FBXO42: variants seen among roughly 807,000 people sequenced by gnomAD.
FBXO42 encodes the protein F-box only protein 42.
A neutral mutation model predicts 71.7 loss-of-function variants in FBXO42; 12 were observed. That is an observed-to-expected ratio of 0.17 (90% CI 0.11 to 0.27). The LOEUF is 0.27. Ranked by LOEUF, FBXO42 falls within the 10% of genes least tolerant of loss-of-function variation. The probability of loss-of-function intolerance (pLI) is 1.00; values close to 1 mark genes in which losing one functional copy is unlikely to be tolerated. For missense variants in FBXO42, 707 were observed against 911.9 expected, an observed-to-expected ratio of 0.78 and a Z score of 2.89; for synonymous variants, 325 against 327.5, an observed-to-expected ratio of 0.99 and a Z score of 0.08.
intron 4 of FBXO42, among the ~76,000 whole-genome samples, chr1:16,280,351 C>T (rs1217133108): frequency 6.6e-6 from 1 of 151,902 alleles, no homozygotes; most frequent in Non-Finnish European, 1.5e-5. Context: ...CCAAAAGGAG[C>T]CTAAGGAGAC....
intron 3 of FBXO42, 95 bp from the exon 4 acceptor site, chr1:16,295,012 A>G (rs1019206013): frequency 1.4e-6 from 2 of 1,396,160 alleles, no homozygotes; most frequent in African/African-American, 2.9e-5. Flanking sequence ...TATTTCACAC[A>G]TTCAGCAATT....
In FBXO42 at chr1:16,252,469, G is replaced by C. The variant is rs1179003706; in HGVS notation, c.922-65C>G. On this transcript the variant is annotated intron_variant, in intron 8 of 9. Transcript: ENST00000375592. The surrounding 1 kb of genome is among the most constrained non-coding windows in gnomAD (Gnocchi z 4.4). ...ATGCGTTCCAAAACACACACACACA[G>C]AGTTGCAGTCTCAAAGCTCTCCTGT... 2.0e-5 allele frequency: 25 copies of C among 1,256,982 alleles called. No homozygotes were observed. In the South Asian group the frequency reaches 2.3e-4, roughly 11 times the overall value. The allele number at this position is 1,256,982 out of a possible 1,614,324, so 77.9% of individuals were successfully genotyped here.
intron 2 of FBXO42, among the ~76,000 whole-genome samples, chr1:16,314,700 C>T (rs1467835317): frequency 6.6e-6 from 1 of 152,050 alleles, no homozygotes. Flanking sequence ...CTGGCTAACA[C>T]AGTGAAACCC....
intron 4 of FBXO42, among the ~76,000 whole-genome samples, chr1:16,267,058 C>T (rs2081784241): frequency 6.6e-6 from 1 of 152,154 alleles, no homozygotes; most frequent in Non-Finnish European, 1.5e-5. Context: ...TTGAGAAAAA[C>T]ACTTCAAAAT....
At chr1:16,307,189 A>C (rs954623329) in intron 2 of FBXO42, among the ~76,000 whole-genome samples, 4 of 152,078 alleles carry the variant, frequency 2.6e-5, no homozygotes, top group Non-Finnish European at 4.4e-5. Flanking sequence ...ACCATGCCCA[A>C]CCAGGAAAAG....
At chr1:16,295,948 G>A (rs1347607991) in intron 3 of FBXO42, among the ~76,000 whole-genome samples, 4 of 152,014 alleles carry the variant, frequency 2.6e-5, no homozygotes, top group Admixed American at 6.6e-5. Context: ...AAAACAGAAC[G>A]GTAACATTTA....
intron 2 of FBXO42, 122 bp downstream of exon 2, chr1:16,315,047 G>A (rs913003792): frequency 1.7e-5 from 18 of 1,075,504 alleles, no homozygotes; most frequent in East Asian, 7.7e-5. Context: ...GGGTAGTATC[G>A]TCTAATGCTA....
chr1:16,330,759 T>C (rs1431249202), intron 1 of FBXO42, among the ~76,000 whole-genome samples: 1 of 151,500 alleles, frequency 6.6e-6, no homozygotes, highest in African/African-American at 2.4e-5. Context: ...CGGCCAACAC[T>C]GTGAAACCCC....
chr1:16,345,466 A>T (rs1244452476), intron 1 of FBXO42, among the ~76,000 whole-genome samples: 1 of 152,002 alleles, frequency 6.6e-6, no homozygotes, highest in African/African-American at 2.4e-5. Context: ...TCTAGTTGTG[A>T]CTACTGAAAG....
intron 1 of FBXO42, among the ~76,000 whole-genome samples, chr1:16,334,645 A>C (rs1468005410): frequency 6.6e-6 from 1 of 152,190 alleles, no homozygotes; most frequent in Non-Finnish European, 1.5e-5. Flanking sequence ...CACACTTAAC[A>C]GAATTCCCGA....
Position 16,305,877 on chromosome 1 carries a change from T to A in FBXO42, c.293A>T (p.Gln98Leu). 6.2e-7 allele frequency: 1 copy of A among 1,614,190 alleles called. No individual in the cohort carries two copies. Among genetic ancestry groups the A allele is most frequent in the Non-Finnish European group, 8.5e-7 (1 of 1,180,028 alleles). Residue 98 changes from glutamine to leucine, a missense_variant, in exon 3 of 10, where the codon CAG (glutamine) becomes CTG (leucine). This residue lies in a region of FBXO42 where 188 missense variants were observed against 230.5 expected (regional missense o/e 0.82). Transcript: ENST00000375592. ...QCYHGFMKAV[Q>L]EGNIQWESRT... ...GCTCTCCCACTGAATGTTTCCTTCC[T>A]GGACAGCCTTCATGAAACCATGATA...
At chr1:16,301,824 TA>T (rs1237542499) in intron 3 of FBXO42, among the ~76,000 whole-genome samples, 1 of 152,106 alleles carries the variant, frequency 6.6e-6, no homozygotes, top group Non-Finnish European at 1.5e-5. Context: ...ATTTTAATTT[TA>T]AATAGAGATG....
At chr1:16,305,705 C>A (rs190928884) in intron 3 of FBXO42, 98 bp downstream of exon 3, 216 of 1,016,710 alleles carry the variant, frequency 2.1e-4, no homozygotes, top group Middle Eastern at 6.1e-4. Flanking sequence ...TAGAGTGAGA[C>A]CTTGTCTCAA....
At chr1:16,323,399 C>T (rs2082424028) in intron 1 of FBXO42, among the ~76,000 whole-genome samples, 1 of 151,794 alleles carries the variant, frequency 6.6e-6, no homozygotes, top group South Asian at 2.1e-4. Flanking sequence ...GCCCAGGTGA[C>T]AGTGCGAGAC....
In FBXO42 at chr1:16,338,804, C is replaced by CTTTTTTTTT. The variant is rs71574177; in HGVS notation, c.-18+13442_-18+13450dup. Among the ~76,000 whole-genome samples the CTTTTTTTTT allele has an allele frequency of 1.8e-3, 146 of 80,974 alleles. 2 individuals are homozygous for CTTTTTTTTT. The highest frequency in any genetic ancestry group is 2.6e-3 in the Non-Finnish European group (115 of 44,404). 53.1% of individuals were successfully genotyped at this position (80,974 alleles called of 152,430 possible). On this transcript the variant is annotated intron_variant, in intron 1 of 9. Transcript: ENST00000375592. ...AATGGAACATTTTATTTCCATTTGT[C>CTTTTTTTTT]TTTTTTTTTTTTTTTTTTTTTTTTG...
chr1:16,305,005 G>A (rs2082234675), intron 3 of FBXO42, among the ~76,000 whole-genome samples: 1 of 152,058 alleles, frequency 6.6e-6, no homozygotes. Flanking sequence ...TTAACAAACT[G>A]CCTACAATAT....
At chr1:16,258,562 G>A (rs1176218363) in intron 4 of FBXO42, among the ~76,000 whole-genome samples, 2 of 151,982 alleles carry the variant, frequency 1.3e-5, no homozygotes, top group East Asian at 3.9e-4. Flanking sequence ...TCCCTGCATT[G>A]CCCAGACTGG....
At chr1:16,274,316 CA>C (rs1267391497) in intron 4 of FBXO42, among the ~76,000 whole-genome samples, 11 of 129,520 alleles carry the variant, frequency 8.5e-5, no homozygotes, top group South Asian at 4.9e-4. Flanking sequence ...TCAAAAAACA[CA>C]AAAAAAAAAG....
At chr1:16,299,733 C>T (rs924067867) in intron 3 of FBXO42, among the ~76,000 whole-genome samples, 2 of 152,146 alleles carry the variant, frequency 1.3e-5, no homozygotes, top group Non-Finnish European at 2.9e-5. Context: ...CAACCTCCGC[C>T]TCCTGGGTTC....
Sources: gnomAD v4.1 joint callset for allele counts (sites outside exome capture counted in the v4.1 genomes callset) on GRCh38, gnomAD v4.1.1 for gene constraint, gnomAD v4.1.1 regional missense constraint, Gnocchi (gnomAD v3.1) non-coding constraint, MANE v1.5 for transcripts, NCBI Gene and HGNC (gene_info 2026-07-23, HGNC 2026-07-21) for gene names.